The following ANGEL1 variants were observed in gnomAD, a reference collection of about 807,000 sequenced individuals.
ANGEL1 encodes the protein angel homolog 1.
A neutral mutation model predicts 76.4 loss-of-function variants in ANGEL1; 62 were observed. The observed-to-expected ratio is 0.81, with a 90% CI of 0.66 to 1.00. ANGEL1 has a LOEUF of 1.00. ANGEL1 is among the 50% of genes least tolerant of loss of function. The pLI, the probability that ANGEL1 is intolerant of heterozygous loss-of-function variation, is 0.00. For missense variants in ANGEL1, 737 were observed against 836.7 expected, an observed-to-expected ratio of 0.88 and a Z score of 1.47; for synonymous variants, 340 against 331.7, an observed-to-expected ratio of 1.03 and a Z score of -0.27.
In ANGEL1 at chr14:76,809,338, C is replaced by T. The variant is rs992760597; in HGVS notation, c.370G>A (p.Asp124Asn). 1 of 1,614,232 alleles carries T rather than the reference C, an allele frequency of 6.2e-7. No individual in the cohort carries two copies. Among genetic ancestry groups the T allele is most frequent in the South Asian group, 1.1e-5 (1 of 91,086 alleles). The change falls in exon 2 of 10, where the codon GAT (aspartate) becomes AAT (asparagine). Residue 124 changes from aspartate (D) to asparagine (N), a missense_variant. Asp to Asn is a conservative substitution (Grantham distance 23). This residue lies in a region of ANGEL1 where 441 missense variants were observed against 449.5 expected (regional missense o/e 0.98). Coordinates refer to ENST00000251089, the MANE Select transcript of ANGEL1 (RefSeq NM_015305.4). The part of the protein sequence containing the change: ...LSDLRAAENL[D>N]EPFPEMLGEE... Reference sequence around the variant, plus strand: ...CCTAGCATCTCAGGGAAAGGCTCATCCAGGTTCTCTGCAGCCCGAAGGTCA... The same window carrying T: ...CCTAGCATCTCAGGGAAAGGCTCATTCAGGTTCTCTGCAGCCCGAAGGTCA...
At position 76,789,206 on chromosome 14, in the gene ANGEL1, C is replaced by G. The variant is rs1276511228; in HGVS notation, c.*22G>C. ...CCAGTGAGCTCTTCTGGAAGAGAAG[C>G]TCTCTTCCCCTGGGAGCCCTGTCAT... is the stretch of plus-strand genomic sequence containing the variant. On this transcript the variant is annotated 3_prime_UTR_variant, in exon 10 of 10. Coordinates refer to ENST00000251089, the MANE Select transcript of ANGEL1 (RefSeq NM_015305.4). 6.2e-7 allele frequency: 1 copy of G among 1,612,964 alleles called. No individual in the cohort carries two copies. Among genetic ancestry groups the G allele is most frequent in the East Asian group, 2.2e-5 (1 of 44,888 alleles).
chr14:76,804,307 A>G (rs567796820), intron 5 of ANGEL1: 2 of 1,198,362 alleles, frequency 1.7e-6, no homozygotes, highest in East Asian at 4.6e-5. Flanking sequence ...ATCAAGGTCT[A>G]ATATCCTGAA....
intron 7 of ANGEL1, among the ~76,000 whole-genome samples, chr14:76,802,753 AT>A (rs1441190756): frequency 6.6e-6 from 1 of 151,836 alleles, no homozygotes; most frequent in Non-Finnish European, 1.5e-5. Flanking sequence ...AGATCCACAT[AT>A]CCCCACAGAT....
At chr14:76,805,593 G>A (rs1345950157) in intron 5 of ANGEL1, among the ~76,000 whole-genome samples, 1 of 152,186 alleles carries the variant, frequency 6.6e-6, no homozygotes, top group African/African-American at 2.4e-5. Flanking sequence ...AGCACAAGCT[G>A]ATAAAACTAC....
At chr14:76,793,880 A>G (rs1894495281) in intron 7 of ANGEL1, among the ~76,000 whole-genome samples, 1 of 152,250 alleles carries the variant, frequency 6.6e-6, no homozygotes, top group East Asian at 1.9e-4. Flanking sequence ...AAATTATAAC[A>G]ATATATTGTA....
intron 7 of ANGEL1, among the ~76,000 whole-genome samples, chr14:76,792,352 C>T (rs1452867889): frequency 2.0e-5 from 3 of 152,116 alleles, no homozygotes; most frequent in Non-Finnish European, 4.4e-5. Context: ...ACAAATCCTT[C>T]ACAAACACTT....
intron 1 of ANGEL1, chr14:76,812,456 C>T (rs1895116085): frequency 8.5e-7 from 1 of 1,182,928 alleles, no homozygotes; most frequent in African/African-American, 1.6e-5. Flanking sequence ...CACAATTTCT[C>T]TGCACCCCCA....
In ANGEL1 at chr14:76,787,649, A is replaced by C. The variant is rs1894290105; in HGVS notation, c.*1579T>G. The C allele has an allele frequency of 6.6e-6, 1 of 152,654 alleles. No individual in the cohort carries two copies. The highest frequency in any genetic ancestry group is 2.1e-4 in the South Asian group (1 of 4,832). The allele number at this position is 152,654 out of a possible 1,614,324, so 9.5% of individuals were successfully genotyped here. Reference sequence around the variant, plus strand: ...AACCATGAATGCAGCAGCACAATGCAAACTGGGTCTTTGGCTTTCAAAAAA... The same window carrying C: ...AACCATGAATGCAGCAGCACAATGCCAACTGGGTCTTTGGCTTTCAAAAAA... On this transcript the variant is annotated 3_prime_UTR_variant, in exon 10 of 10. Coordinates refer to ENST00000251089, the MANE Select transcript of ANGEL1 (RefSeq NM_015305.4).
intron 6 of ANGEL1, 89 bp from the exon 7 acceptor site, chr14:76,803,570 G>T: frequency 1.4e-6 from 2 of 1,395,600 alleles, no homozygotes; most frequent in Non-Finnish European, 2.0e-6. Flanking sequence ...TCCAGCATAG[G>T]TACACAGAGG....
chr14:76,793,527 T>C (rs1467460372), intron 7 of ANGEL1, among the ~76,000 whole-genome samples: 1 of 143,458 alleles, frequency 7.0e-6, no homozygotes, highest in Non-Finnish European at 1.5e-5. Context: ...TGTAGATGCC[T>C]ATCAAAATCC....
chr14:76,801,681 C>T (rs1336314462), intron 7 of ANGEL1, among the ~76,000 whole-genome samples: 1 of 152,018 alleles, frequency 6.6e-6, no homozygotes, highest in Non-Finnish European at 1.5e-5. Context: ...TTGTTTTCCA[C>T]AGTTATCTAT....
At chr14:76,804,516 C>A in intron 5 of ANGEL1, 1 of 932,018 alleles carries the variant, frequency 1.1e-6, no homozygotes, top group Non-Finnish European at 1.3e-6. Context: ...CATTTAACAA[C>A]AACAAATATT....
rs1895005305 is a variant in ANGEL1 at position 76,809,046 on chromosome 14, T to C, written c.649+13A>G. 1 of 1,597,186 alleles carries C rather than the reference T, an allele frequency of 6.3e-7. No individual in the cohort carries two copies. Among genetic ancestry groups the C allele is most frequent in the African/African-American group, 1.3e-5 (1 of 74,754 alleles). On this transcript the variant is annotated intron_variant, in intron 2 of 9. Transcript: ENST00000251089. Reference sequence around the variant, plus strand: ...CTGTTCCCTTGGCTCACTCAACCAGTTGTCAGACTCACCATGATATGGTAT... The same window carrying C: ...CTGTTCCCTTGGCTCACTCAACCAGCTGTCAGACTCACCATGATATGGTAT...
At position 76,789,171 on chromosome 14, in the gene ANGEL1, A is replaced by G; in HGVS notation, c.*57T>C. The G allele has an allele frequency of 6.3e-6, 10 of 1,578,214 alleles. No individual in the cohort carries two copies. The South Asian group carries it at 1.2e-4, about 18-fold the overall frequency. On this transcript the variant is annotated 3_prime_UTR_variant, in exon 10 of 10. Transcript: ENST00000251089. The stretch of plus-strand genomic sequence containing the variant: ...TTCTAGATGCATGGGATTTTTCCAC[A>G]GTCTCTGATCCAGTGAGCTCTTCTG...
In ANGEL1 at chr14:76,803,382, T is replaced by G. The variant is rs368620036; in HGVS notation, c.1607A>C (p.Asp536Ala). Residue 536 changes from aspartate to alanine, a missense_variant, in exon 7 of 10, where the codon GAT becomes GCT. Transcript: ENST00000251089. Reference sequence around the variant, plus strand: ...TTAGTTCCCATTACCTGGCTTAGTATCTGTCACTCCTTCCATAAGGACCAG... The same window carrying G: ...TTAGTTCCCATTACCTGGCTTAGTAGCTGTCACTCCTTCCATAAGGACCAG... ...VGLVLMEGVT[D>A]TKPERPAGWA... is the part of the protein sequence containing the mutation. 7.4e-6 allele frequency: 12 copies of G among 1,613,830 alleles called. No homozygotes were observed. The African/African-American group carries it at 1.6e-4, about 22-fold the overall frequency.
intron 1 of ANGEL1, among the ~76,000 whole-genome samples, chr14:76,810,984 A>G (rs903359682): frequency 1.3e-5 from 2 of 152,242 alleles, no homozygotes; most frequent in Non-Finnish European, 2.9e-5. Flanking sequence ...AAAGTGGCTC[A>G]AATATTGAAA....
Position 76,789,292 on chromosome 14 carries a change from G to T in ANGEL1, c.1949C>A (p.Pro650His), listed in dbSNP as rs1372811579. The change falls in exon 10 of 10, where the codon CCC (proline) becomes CAC (histidine). Residue 650 changes from proline to histidine, a missense_variant. Physicochemically the swap from Pro to His is moderately conservative, Grantham distance 77. Coordinates refer to ENST00000251089, the MANE Select transcript of ANGEL1 (RefSeq NM_015305.4). Reference protein sequence around the residue: ...ILWAANGLPNPFCSSDHLCLL... With the variant: ...ILWAANGLPNHFCSSDHLCLL... ...GCAGAGGTGGTCTGAAGAGCAGAAG[G>T]GGTTGGGTAAGCCATTGGCAGCCCA... 1.2e-6 allele frequency: 2 copies of T among 1,614,218 alleles called. No individual in the cohort carries two copies. The highest frequency in any genetic ancestry group is 1.7e-6 in the Non-Finnish European group (2 of 1,180,038).
Position 76,796,867 on chromosome 14 carries a change from G to A in ANGEL1, c.1619-5501C>T, listed in dbSNP as rs754475209. 2.8e-4 allele frequency among the ~76,000 whole-genome samples: 43 copies of A among 152,172 alleles called. 2 individuals carry two copies. In the Middle Eastern group the frequency reaches 0.01, roughly 36 times the overall value. ...GTGATTGTTGATGCAATGTTATTTGGAGCATAAACATTTTTAACACTAGTA... is the reference window on the plus strand; with the variant it reads ...GTGATTGTTGATGCAATGTTATTTGAAGCATAAACATTTTTAACACTAGTA... On this transcript the variant is annotated intron_variant, in intron 7 of 9. Coordinates refer to ENST00000251089, the MANE Select transcript of ANGEL1 (RefSeq NM_015305.4).
intron 7 of ANGEL1, among the ~76,000 whole-genome samples, chr14:76,799,278 CTTTTTTTTTTTTTTTTTT>C (rs71122579): frequency 7.6e-5 from 4 of 52,344 alleles, no homozygotes; most frequent in Admixed American, 7.5e-4. Flanking sequence ...TCATGGCCTC[CTTTTTTTTTTTTTTTTTT>C]TTTTTTTTTT....
Sources: allele counts gnomAD v4.1 joint callset (sites outside exome capture counted in the v4.1 genomes callset), GRCh38; gene constraint gnomAD v4.1.1; regional missense constraint gnomAD v4.1.1; transcripts MANE v1.5; gene names NCBI Gene and HGNC (gene_info 2026-07-23, HGNC 2026-07-21).